TMEM132D: variants seen among roughly 807,000 people sequenced by gnomAD.
TMEM132D encodes mature OL transmembrane protein.
TMEM132D carries 21 observed loss-of-function variants against 62.3 expected under a neutral mutation model. That is an observed-to-expected ratio of 0.34 (90% CI 0.24 to 0.49). TMEM132D has a LOEUF of 0.49. Ranked by LOEUF, TMEM132D falls within the 20% of genes least tolerant of loss-of-function variation. The pLI is 0.99. For missense variants in TMEM132D, 1,346 were observed against 1,402.8 expected, an observed-to-expected ratio of 0.96 and a Z score of 0.65; for synonymous variants, 621 against 575.6, an observed-to-expected ratio of 1.08 and a Z score of -1.13.
Position 129,337,389 on chromosome 12 carries a change from C to T in TMEM132D, c.1299+245G>A, listed in dbSNP as rs1390109701. Among the ~76,000 whole-genome samples the T allele has an allele frequency of 4.6e-5, 7 of 150,696 alleles. No homozygotes were observed. The Admixed American group carries it at 4.6e-4, about 10-fold the overall frequency. ...CCTGGAGTTTATTTTCTAAATAATA[C>T]GTTAAGAAAATTGGTTTATATTTGT... On this transcript the variant is annotated intron_variant, in intron 4 of 8. Coordinates refer to ENST00000422113, the MANE Select transcript of TMEM132D (RefSeq NM_133448.3).
intron 2 of TMEM132D, among the ~76,000 whole-genome samples, chr12:129,624,132 C>T (rs1482240130): frequency 1.3e-5 from 2 of 152,198 alleles, no homozygotes; most frequent in Non-Finnish European, 2.9e-5. Context: ...GCAGAGACTA[C>T]ATAAGTCTCT....
intron 2 of TMEM132D, among the ~76,000 whole-genome samples, chr12:129,657,740 G>T (rs1208772171): frequency 6.6e-6 from 1 of 152,226 alleles, no homozygotes; most frequent in Non-Finnish European, 1.5e-5. Flanking sequence ...GTGGCCAAGG[G>T]AGAGAAAACT....
chr12:129,115,696 C>T (rs919527395), intron 5 of TMEM132D, among the ~76,000 whole-genome samples: 4 of 152,304 alleles, frequency 2.6e-5, no homozygotes, highest in East Asian at 1.9e-4. Context: ...TGGGCAGTCA[C>T]GACAAGTAAG....
At chr12:129,173,081 A>G (rs1877784345) in intron 5 of TMEM132D, among the ~76,000 whole-genome samples, 1 of 152,226 alleles carries the variant, frequency 6.6e-6, no homozygotes, top group Non-Finnish European at 1.5e-5. Flanking sequence ...CATAACAGGT[A>G]TAATAAAAAA....
chr12:129,827,346 A>G lies in TMEM132D; in HGVS notation c.79+75915T>C, dbSNP rs1382838099. On this transcript the variant is annotated intron_variant, in intron 1 of 8. Transcript: ENST00000422113. The surrounding 1 kb of genome is among the most constrained non-coding windows in gnomAD (Gnocchi z 9.7). ...GTCCTCTCCAGTTTCTAAGCCCCAA[A>G]TTCATGGTCACACCCCCAGGCAGAA... Among the ~76,000 whole-genome samples, 1 of 152,130 alleles carries G rather than the reference A, an allele frequency of 6.6e-6. No homozygotes were observed. Among genetic ancestry groups the G allele is most frequent in the Non-Finnish European group, 1.5e-5 (1 of 68,018 alleles).
intron 3 of TMEM132D, among the ~76,000 whole-genome samples, chr12:129,342,095 CA>C (rs1049078870): frequency 7.9e-5 from 12 of 151,996 alleles, no homozygotes; most frequent in East Asian, 1.9e-4. Context: ...CATATGGAAC[CA>C]AAAAAGAGCC....
intron 5 of TMEM132D, among the ~76,000 whole-genome samples, chr12:129,133,906 T>C (rs1876456011): frequency 1.3e-5 from 2 of 152,286 alleles, no homozygotes; most frequent in East Asian, 3.9e-4. Context: ...GGTACACTGG[T>C]AGAATGCACG....
chr12:129,443,166 C>A (rs182783523), intron 3 of TMEM132D, among the ~76,000 whole-genome samples: 1 of 152,252 alleles, frequency 6.6e-6, no homozygotes, highest in Admixed American at 6.5e-5. Flanking sequence ...TCCTCCTCTC[C>A]TCTACAAGTT....
intron 3 of TMEM132D, among the ~76,000 whole-genome samples, chr12:129,501,370 GA>G (rs1043361123): frequency 1.3e-5 from 2 of 148,766 alleles, no homozygotes; most frequent in African/African-American, 4.9e-5. Context: ...TTTCTCTTTT[GA>G]AAAAAAAAAT....
chr12:129,683,026 C>T (rs1161352440), intron 2 of TMEM132D: 4 of 152,038 alleles, frequency 2.6e-5, no homozygotes, highest in Non-Finnish European at 5.9e-5. Context: ...AAGGCCCTGG[C>T]AGCGTGCTTT....
chr12:129,237,346 G>GA (rs924421508), intron 4 of TMEM132D, among the ~76,000 whole-genome samples: 2 of 151,742 alleles, frequency 1.3e-5, no homozygotes, highest in East Asian at 1.9e-4. Context: ...TTTAATGCCT[G>GA]AAAAAAAATT....
rs77200286 is a variant in TMEM132D at position 129,864,022 on chromosome 12, T to C, written c.79+39239A>G. 4.4e-3 allele frequency among the ~76,000 whole-genome samples: 666 copies of C among 152,332 alleles called. 4 individuals carry two copies. The highest frequency in any genetic ancestry group is 0.015 in the African/African-American group (641 of 41,572). On this transcript the variant is annotated intron_variant, in intron 1 of 8. Coordinates refer to ENST00000422113, the MANE Select transcript of TMEM132D (RefSeq NM_133448.3). ...CACTAGCACCAGTGAGGGCTGGACC[T>C]GCTAGTTCACTTCTAAAGAACAGCA...
At chr12:129,732,405 T>A (rs1268756242) in intron 1 of TMEM132D, among the ~76,000 whole-genome samples, 1 of 152,152 alleles carries the variant, frequency 6.6e-6, no homozygotes, top group Non-Finnish European at 1.5e-5. Context: ...CACCCAAACC[T>A]CACGTTGAAT....
intron 4 of TMEM132D, among the ~76,000 whole-genome samples, chr12:129,295,818 C>A (rs1043568919): frequency 9.2e-5 from 14 of 152,028 alleles, no homozygotes; most frequent in Non-Finnish European, 1.5e-4. Flanking sequence ...CTTATAATAC[C>A]TAATACAATG....
rs374297291 is a variant in TMEM132D, at chr12:129,317,037, A to T, written c.1299+20597T>A. On this transcript the variant is annotated intron_variant, in intron 4 of 8. Transcript: ENST00000422113. ...AAGTTTATGTGAGTCCTTATGTGTTAGGTGAGTCTCCTGAGGGCAGCAGAT... is the reference window on the plus strand; with the variant it reads ...AAGTTTATGTGAGTCCTTATGTGTTTGGTGAGTCTCCTGAGGGCAGCAGAT... Among the ~76,000 whole-genome samples, 30 of 152,256 alleles carry T rather than the reference A, an allele frequency of 2.0e-4. No individual in the cohort carries two copies. The Middle Eastern group carries it at 0.01, about 52-fold the overall frequency.
intron 2 of TMEM132D, among the ~76,000 whole-genome samples, chr12:129,558,956 ATCT>A (rs1877138269): frequency 6.6e-6 from 1 of 152,252 alleles, no homozygotes; most frequent in African/African-American, 2.4e-5. Context: ...ATATTTCAAG[ATCT>A]GACAATATGA....
intron 2 of TMEM132D, among the ~76,000 whole-genome samples, chr12:129,608,392 C>T (rs1019818694): frequency 1.4e-4 from 21 of 152,036 alleles, no homozygotes; most frequent in African/African-American, 5.1e-4. Context: ...AAAAATGAGG[C>T]CTAACTATGT....
intron 2 of TMEM132D, among the ~76,000 whole-genome samples, chr12:129,627,224 G>A (rs1419635332): frequency 6.6e-6 from 1 of 152,104 alleles, no homozygotes; most frequent in Non-Finnish European, 1.5e-5. Flanking sequence ...ACCACAGACC[G>A]CCTATATGAT....
At chr12:129,345,535 A>G (rs2135664760) in intron 3 of TMEM132D, among the ~76,000 whole-genome samples, 1 of 152,312 alleles carries the variant, frequency 6.6e-6, no homozygotes, top group East Asian at 1.9e-4. Flanking sequence ...AGCAAGAGAA[A>G]TGGCCTCCTG....
Sources: allele counts gnomAD v4.1 joint callset (sites outside exome capture counted in the v4.1 genomes callset), GRCh38; gene constraint gnomAD v4.1.1; non-coding constraint Gnocchi (gnomAD v3.1); transcripts MANE v1.5; gene names NCBI Gene and HGNC (gene_info 2026-07-23, HGNC 2026-07-21).